The following ADH5 variants were observed in gnomAD, a reference collection of about 807,000 sequenced individuals.
ADH5 encodes alcohol dehydrogenase 5 (class III), chi polypeptide.
ADH5 carries 32 observed loss-of-function variants against 40.3 expected under a neutral mutation model. That is an observed-to-expected ratio of 0.79 (90% CI 0.60 to 1.07). The LOEUF is 1.07. ADH5 is among the 50% of genes least tolerant of loss of function. ADH5 has a pLI of 0.00. For synonymous variants in ADH5, 125 were observed against 154.3 expected, an observed-to-expected ratio of 0.81 and a Z score of 1.41; for missense variants, 353 against 460.5, an observed-to-expected ratio of 0.77 and a Z score of 2.14.
At chr4:99,081,749 G>T in intron 3 of ADH5, 2 of 596,920 alleles carry the variant, frequency 3.4e-6, no homozygotes, top group Non-Finnish European at 5.6e-6. Context: ...GCCAAAATTG[G>T]TTTTGGAAAT....
rs569053250 is a variant in ADH5 at position 99,088,683 on chromosome 4, C to T, written c.12+6G>A. ...GACTCAGGGCCCTCCGCTCAACGGG[C>T]CCTACCTCGTTCGCCATGTTCACGG... On this transcript the variant is annotated splice_donor_region_variant and intron_variant, in intron 1 of 8. Coordinates refer to ENST00000296412, the MANE Select transcript of ADH5 (RefSeq NM_000671.4). 21 of 1,608,518 alleles carry T rather than the reference C, an allele frequency of 1.3e-5. No homozygotes were observed. Among genetic ancestry groups the T allele is most frequent in the South Asian group, 5.5e-5 (5 of 90,126 alleles).
intron 4 of ADH5, among the ~76,000 whole-genome samples, chr4:99,079,125 G>A (rs1054080048): frequency 2.0e-5 from 3 of 152,268 alleles, no homozygotes. Flanking sequence ...CATATCTTAC[G>A]ACTCAGCAAT....
Position 99,088,775 on chromosome 4 carries a change from GAGCGCCTAGCGA to G in ADH5, c.-87_-76del. 8.3e-7 allele frequency: 1 copy of G among 1,207,520 alleles called. No individual in the cohort carries two copies. The highest frequency in any genetic ancestry group is 1.1e-6 in the Non-Finnish European group (1 of 880,204). The allele number at this position is 1,207,520 out of a possible 1,614,324, so 74.8% of individuals were successfully genotyped here. On this transcript the variant is annotated 5_prime_UTR_variant, in exon 1 of 9. Transcript: ENST00000296412. ...GCAGCGACGGAGGCATGGGCGTGGC[GAGCGCCTAGCGA>G]GGGGGGCGGGGCGTGGGGGGGGCTT...
chr4:99,074,350 AACC>A (rs1468562863), intron 7 of ADH5, among the ~76,000 whole-genome samples: 2 of 152,168 alleles, frequency 1.3e-5, no homozygotes, highest in Admixed American at 1.3e-4. Flanking sequence ...CGCAACCCCA[AACC>A]ACCAAGGACT....
chr4:99,076,287 C>T lies in ADH5; in HGVS notation c.825+5G>A. ...AAACTAAAAAGGAATGAAGCCCATA[C>T]TCACCATGACCTTCACATTACCAAT... On this transcript the variant is annotated splice_donor_5th_base_variant and intron_variant, in intron 6 of 8. Transcript: ENST00000296412. 1.2e-6 allele frequency: 2 copies of T among 1,613,728 alleles called. No individual in the cohort carries two copies. Among genetic ancestry groups the T allele is most frequent in the Non-Finnish European group, 8.5e-7 (1 of 1,179,672 alleles).
At chr4:99,074,549 T>A (rs991623350) in intron 7 of ADH5, among the ~76,000 whole-genome samples, 1 of 152,232 alleles carries the variant, frequency 6.6e-6, no homozygotes, top group African/African-American at 2.4e-5. Context: ...AACAAGCTAC[T>A]TGGGTCCACA....
intron 6 of ADH5, 120 bp from the exon 7 acceptor site, chr4:99,075,169 T>C: frequency 1.2e-6 from 1 of 858,250 alleles, no homozygotes; most frequent in Admixed American, 2.9e-5. Context: ...AAGGCCAAAC[T>C]TAACATTTAG....
In ADH5 at chr4:99,076,501, C is replaced by G; in HGVS notation, c.616G>C (p.Ala206Pro). 6.2e-7 allele frequency: 1 copy of G among 1,614,138 alleles called. No individual in the cohort carries two copies. The highest frequency in any genetic ancestry group is 8.5e-7 in the Non-Finnish European group (1 of 1,179,990). The change falls in exon 6 of 9, where the codon GCA (alanine) becomes CCA (proline). Residue 206 changes from alanine (A) to proline (P), a missense_variant. Ala to Pro is a conservative substitution (Grantham distance 27). Coordinates refer to ENST00000296412, the MANE Select transcript of ADH5 (RefSeq NM_000671.4). The stretch of plus-strand genomic sequence containing the variant: ...GCCACTTTACAGCCCATGATAACTG[C>G]CAATCCGACTCCTCCCAGACCAAAG... Reference protein sequence around the residue: ...AVFGLGGVGLAVIMGCKVAGA... With the variant: ...AVFGLGGVGLPVIMGCKVAGA...
At chr4:99,082,508 C>T (rs554808550) in intron 2 of ADH5, among the ~76,000 whole-genome samples, 1 of 152,128 alleles carries the variant, frequency 6.6e-6, no homozygotes, top group African/African-American at 2.4e-5. Flanking sequence ...CTCATGACAG[C>T]TGGGAAATAT....
At chr4:99,084,792 T>C (rs1728099039) in intron 2 of ADH5, among the ~76,000 whole-genome samples, 1 of 152,166 alleles carries the variant, frequency 6.6e-6, no homozygotes, top group South Asian at 2.1e-4. Flanking sequence ...TGTCAGCATA[T>C]ATTTAAAGTT....
chr4:99,071,316 G>A lies in ADH5; in HGVS notation c.*1101C>T, dbSNP rs1727828928. The stretch of plus-strand genomic sequence containing the variant: ...AAGAGCAATTTGGCAATGTCTATAA[G>A]GCTAAATGTGTTTATTCTGTGATAC... On this transcript the variant is annotated 3_prime_UTR_variant, in exon 9 of 9. Coordinates refer to ENST00000296412, the MANE Select transcript of ADH5 (RefSeq NM_000671.4). 1 of 152,200 alleles carries A rather than the reference G, an allele frequency of 6.6e-6. No individual in the cohort carries two copies. The highest frequency in any genetic ancestry group is 1.5e-5 in the Non-Finnish European group (1 of 68,032). 9.4% of individuals were successfully genotyped at this position (152,200 alleles called of 1,614,324 possible). A position where few individuals can be genotyped will look rare whatever the true frequency, so the allele number is the denominator to read the frequency against.
chr4:99,073,783 CA>C (rs1727873814), intron 7 of ADH5, among the ~76,000 whole-genome samples: 1 of 152,178 alleles, frequency 6.6e-6, no homozygotes, highest in Admixed American at 6.5e-5. Context: ...CTCAATGATA[CA>C]ATGAATTTCC....
At chr4:99,074,114 T>C (rs778031936) in intron 7 of ADH5, among the ~76,000 whole-genome samples, 5 of 152,146 alleles carry the variant, frequency 3.3e-5, no homozygotes, top group Admixed American at 2.6e-4. Context: ...TGGCATAATA[T>C]GAGGTAGAGG....
chr4:99,084,266 CAT>C (rs1427441898), intron 2 of ADH5, among the ~76,000 whole-genome samples: 6 of 152,126 alleles, frequency 3.9e-5, no homozygotes, highest in East Asian at 1.9e-4. Flanking sequence ...GCACAAGACA[CAT>C]GTCACAAAGA....
At chr4:99,078,852 CAAAG>C (rs1727974698) in intron 4 of ADH5, among the ~76,000 whole-genome samples, 1 of 152,202 alleles carries the variant, frequency 6.6e-6, no homozygotes, top group South Asian at 2.1e-4. Flanking sequence ...GTTACAATCA[CAAAG>C]AACCCATCAC....
chr4:99,083,600 CAAAAAAAAAA>C (rs6148593), intron 2 of ADH5, among the ~76,000 whole-genome samples: 2 of 85,172 alleles, frequency 2.3e-5, no homozygotes, highest in African/African-American at 7.6e-5. Context: ...ACTCTGTCTC[CAAAAAAAAAA>C]AAAAAAAAAA....
In ADH5 at chr4:99,076,343, G is replaced by C; in HGVS notation, c.774C>G (p.Thr258=). Residue 258 remains threonine (T), a synonymous_variant, in exon 6 of 9, where the codon ACC becomes ACG. Coordinates refer to ENST00000296412, the MANE Select transcript of ADH5 (RefSeq NM_000671.4). The stretch of plus-strand genomic sequence containing the variant: ...CAAAGGAATAGTCCACTCCTCCATC[G>C]GTCATCTCAATGAGCACTTCCTGGA... ...KPIQEVLIEM[T]DGGVDYSFEC... is the part of the protein sequence containing the mutation. 1 of 1,614,012 alleles carries C rather than the reference G, an allele frequency of 6.2e-7. No individual in the cohort carries two copies. Among genetic ancestry groups the C allele is most frequent in the Non-Finnish European group, 8.5e-7 (1 of 1,179,964 alleles).
At position 99,073,696 on chromosome 4, in the gene ADH5, G is replaced by C. The variant is rs535688083; in HGVS notation, c.962-985C>G. Among the ~76,000 whole-genome samples, 58 of 151,918 alleles carry C rather than the reference G, an allele frequency of 3.8e-4. 1 individual carries two copies. Among genetic ancestry groups the C allele is most frequent in the Non-Finnish European group, 1.3e-4 (9 of 67,992 alleles). On this transcript the variant is annotated intron_variant, in intron 7 of 8. Coordinates refer to ENST00000296412, the MANE Select transcript of ADH5 (RefSeq NM_000671.4). ...TTTTCTTTCTCCTTTAAATGTCCTGGTAACTGAGATGACCACAGTCACTCC... is the reference window on the plus strand; with the variant it reads ...TTTTCTTTCTCCTTTAAATGTCCTGCTAACTGAGATGACCACAGTCACTCC...
intron 7 of ADH5, among the ~76,000 whole-genome samples, chr4:99,073,963 G>C (rs1727877165): frequency 6.6e-6 from 1 of 152,214 alleles, no homozygotes; most frequent in Non-Finnish European, 1.5e-5. Context: ...GCTGTGACAT[G>C]TATCTAGAGC....
Sources: gnomAD v4.1 joint callset for allele counts (sites outside exome capture counted in the v4.1 genomes callset) on GRCh38, gnomAD v4.1.1 for gene constraint, MANE v1.5 for transcripts, NCBI Gene and HGNC (gene_info 2026-07-23, HGNC 2026-07-21) for gene names.